Variants in NIPAL2 observed in about 807,000 individuals in gnomAD.
NIPAL2 encodes NIPA-like protein 2.
A neutral mutation model predicts 48.9 loss-of-function variants in NIPAL2; 43 were observed. The ratio of observed to expected loss-of-function variants is 0.88; its 90% CI spans 0.69 to 1.13. The LOEUF (loss-of-function observed/expected upper bound fraction) is 1.13. Among genes scored for constraint, NIPAL2 ranks in the 50% most tolerant of loss-of-function variants. The pLI is 0.00. For missense variants in NIPAL2, 446 were observed against 461.4 expected (o/e 0.97, Z 0.31); for synonymous variants, 167 against 174.6 (o/e 0.96, Z 0.34).
chr8:98,264,667 G>T (rs376984652), intron 1 of NIPAL2, among the ~76,000 whole-genome samples: 1 of 150,204 alleles, frequency 6.7e-6, no homozygotes, highest in Non-Finnish European at 1.5e-5. Context: ...CATGCTCATG[G>T]GTAGGAAGAA....
intron 5 of NIPAL2, among the ~76,000 whole-genome samples, chr8:98,220,905 T>G (rs1035322414): frequency 6.6e-6 from 1 of 150,864 alleles, no homozygotes; most frequent in African/African-American, 2.4e-5. Flanking sequence ...ATACAGCCAC[T>G]GCATCAAACA....
intron 6 of NIPAL2, among the ~76,000 whole-genome samples, 162 bp downstream of exon 6, chr8:98,212,243 A>G (rs1811353651): frequency 6.6e-6 from 1 of 152,220 alleles, no homozygotes. Context: ...TGGACAGGCA[A>G]CATATAATTT....
chr8:98,267,655 T>C (rs1176610243), intron 1 of NIPAL2, among the ~76,000 whole-genome samples: 1 of 152,138 alleles, frequency 6.6e-6, no homozygotes, highest in African/African-American at 2.4e-5. Context: ...ATGCCAATCA[T>C]ACTATTTTAT....
chr8:98,241,582 T>G (rs987165070), intron 3 of NIPAL2, among the ~76,000 whole-genome samples: 1 of 152,184 alleles, frequency 6.6e-6, no homozygotes, highest in African/African-American at 2.4e-5. Flanking sequence ...CCTAAAGGTG[T>G]CAATTGCAAA....
Position 98,252,607 on chromosome 8 carries a change from G to A in NIPAL2, c.232C>T (p.Gln78Ter), listed in dbSNP as rs1813656769. 1 of 1,612,886 alleles carries A rather than the reference G, an allele frequency of 6.2e-7. No homozygotes were observed. Among genetic ancestry groups the A allele is most frequent in the African/African-American group, 1.3e-5 (1 of 74,864 alleles). The change falls in exon 3 of 11, where the codon CAA becomes TAA. Residue 78 changes from glutamine to a stop codon, truncating the protein, a stop_gained. Transcript: ENST00000430223. LOFTEE classifies it high-confidence loss of function. ...QKYSHLQLAQ[Q>*]EHPRPYFKSV... ...TTGAAGTATGGCCTTGGGTGCTCTT[G>A]TTGTGCCAGCTGAAGGTGAGAATAT...
chr8:98,279,499 T>A (rs1401935983), intron 1 of NIPAL2, among the ~76,000 whole-genome samples: 1 of 152,238 alleles, frequency 6.6e-6, no homozygotes, highest in Non-Finnish European at 1.5e-5. Flanking sequence ...TTCTCTTGTT[T>A]TCTCTTTCTT....
intron 1 of NIPAL2, among the ~76,000 whole-genome samples, chr8:98,259,266 G>A (rs1016929384): frequency 1.3e-4 from 19 of 150,492 alleles, no homozygotes; most frequent in Non-Finnish European, 1.8e-4. Context: ...TAGTAGAGAC[G>A]GGGTTTCACC....
At chr8:98,268,677 G>C (rs1814928501) in intron 1 of NIPAL2, among the ~76,000 whole-genome samples, 2 of 150,830 alleles carry the variant, frequency 1.3e-5, no homozygotes, top group Admixed American at 1.3e-4. Context: ...AAGTAGGAAT[G>C]AGCAAAATTA....
chr8:98,252,283 G>T (rs1174230141), intron 3 of NIPAL2, 180 bp downstream of exon 3: 2 of 586,448 alleles, frequency 3.4e-6, no homozygotes, highest in Non-Finnish European at 5.5e-6. Flanking sequence ...TTTCTTCATG[G>T]TTAATGTGAC....
At chr8:98,273,076 C>T (rs1002685672) in intron 1 of NIPAL2, among the ~76,000 whole-genome samples, 5 of 152,156 alleles carry the variant, frequency 3.3e-5, no homozygotes, top group Admixed American at 1.3e-4. Flanking sequence ...ATATCCATAG[C>T]ACCGTTATTC....
chr8:98,277,016 C>T (rs7831721), intron 1 of NIPAL2, among the ~76,000 whole-genome samples: 7,997 of 151,424 alleles, frequency 0.053, 494 homozygotes, highest in African/African-American at 0.15. Context: ...GTGATCTGCT[C>T]GCCTTGGCCT....
At chr8:98,262,545 A>G (rs1681859802) in intron 1 of NIPAL2, among the ~76,000 whole-genome samples, 1 of 151,342 alleles carries the variant, frequency 6.6e-6, no homozygotes, top group Non-Finnish European at 1.5e-5. Context: ...CCATTACATA[A>G]TGGTAAAGGG....
At chr8:98,218,855 G>A (rs145146132) in intron 5 of NIPAL2, among the ~76,000 whole-genome samples, 38 of 152,288 alleles carry the variant, frequency 2.5e-4, no homozygotes, top group African/African-American at 8.9e-4. Context: ...GGCTGGAGGG[G>A]GCTCACTGGT....
intron 1 of NIPAL2, among the ~76,000 whole-genome samples, chr8:98,268,401 A>G (rs1042458195): frequency 2.0e-5 from 3 of 152,088 alleles, no homozygotes; most frequent in African/African-American, 7.2e-5. Context: ...TGGGCAGATC[A>G]CTTGAGGTCA....
At chr8:98,289,717 TAAGG>T (rs1349969862) in intron 1 of NIPAL2, among the ~76,000 whole-genome samples, 1 of 151,934 alleles carries the variant, frequency 6.6e-6, no homozygotes, top group South Asian at 2.1e-4. Context: ...ATTGGATACA[TAAGG>T]AAGGGAACAA....
intron 1 of NIPAL2, among the ~76,000 whole-genome samples, chr8:98,257,015 T>C (rs1813938264): frequency 2.0e-5 from 3 of 152,178 alleles, no homozygotes; most frequent in Non-Finnish European, 4.4e-5. Flanking sequence ...TGGATGAACC[T>C]TATAAACCAA....
chr8:98,237,816 C>T (rs1812793625), intron 3 of NIPAL2, among the ~76,000 whole-genome samples: 1 of 152,164 alleles, frequency 6.6e-6, no homozygotes, highest in African/African-American at 2.4e-5. Context: ...TGAGCTGATC[C>T]CGCCACCCTT....
chr8:98,267,118 T>C (rs1381737152), intron 1 of NIPAL2, among the ~76,000 whole-genome samples: 1 of 152,236 alleles, frequency 6.6e-6, no homozygotes, highest in Non-Finnish European at 1.5e-5. Context: ...TTTTCAATAA[T>C]GTCTTCCAAA....
chr8:98,247,955 C>T (rs1241550482), intron 3 of NIPAL2, among the ~76,000 whole-genome samples: 1 of 152,198 alleles, frequency 6.6e-6, no homozygotes, highest in Non-Finnish European at 1.5e-5. Flanking sequence ...TGCCATTCGG[C>T]CTCTCTGTAG....
Sources: allele counts gnomAD v4.1 joint callset (sites outside exome capture counted in the v4.1 genomes callset), GRCh38; gene constraint gnomAD v4.1.1; transcripts MANE v1.5; gene names NCBI Gene and HGNC (gene_info 2026-07-23, HGNC 2026-07-21).